ARHGAP11A: variants seen among roughly 807,000 people sequenced by gnomAD.
ARHGAP11A encodes rho GTPase-activating protein 11A.
In ARHGAP11A, 36 loss-of-function variants were observed where a neutral mutation model predicts 60.5. The ratio of observed to expected loss-of-function variants is 0.59; its 90% CI spans 0.46 to 0.79. The LOEUF (loss-of-function observed/expected upper bound fraction) is 0.79, where lower values mean the gene tolerates loss of function less well. Ranked by LOEUF, ARHGAP11A falls within the 30% of genes least tolerant of loss-of-function variation. The probability of loss-of-function intolerance (pLI) is 0.00; values close to 1 mark genes in which losing one functional copy is unlikely to be tolerated. For missense variants in ARHGAP11A, 1,071 were observed against 1,199.2 expected (o/e 0.89, Z 1.58); for synonymous variants, 362 against 415.5 (o/e 0.87, Z 1.57).
chr15:32,637,708 A>G lies in ARHGAP11A; in HGVS notation c.2935A>G (p.Met979Val), dbSNP rs530631878. 9.9e-6 allele frequency: 16 copies of G among 1,614,218 alleles called. No homozygotes were observed. The South Asian group carries it at 1.1e-4, about 11-fold the overall frequency. ...DIVKPVVNNN[M>V]GISSGINNRV... Reference sequence around the variant, plus strand: ...AGTAAAACCAGTTGTAAATAACAACATGGGCATTTCTTCTGGGATAAATAA... The same window carrying G: ...AGTAAAACCAGTTGTAAATAACAACGTGGGCATTTCTTCTGGGATAAATAA... The change falls in exon 12 of 12, where the codon ATG becomes GTG. Residue 979 changes from methionine (M) to valine (V), a missense_variant. Met to Val is a conservative substitution (Grantham distance 21). This residue lies in a region of ARHGAP11A where 776 missense variants were observed against 760.2 expected (regional missense o/e 1.02). Transcript: ENST00000361627.
At chr15:32,616,457 G>A (rs1236035978) in intron 1 of ARHGAP11A, 117 bp downstream of exon 1, 7 of 1,472,374 alleles carry the variant, frequency 4.8e-6, no homozygotes, top group Non-Finnish European at 4.5e-6. Context: ...GGTTAGGTGT[G>A]TAATTCAGTT....
rs750060983 is a variant in ARHGAP11A, at chr15:32,634,060, T to C, written c.1344+19T>C. 6.6e-7 allele frequency: 1 copy of C among 1,507,972 alleles called. No individual in the cohort carries two copies. The highest frequency in any genetic ancestry group is 1.2e-5 in the South Asian group (1 of 82,978). The allele number at this position is 1,507,972 out of a possible 1,614,324, so 93.4% of individuals were successfully genotyped here. A position where few individuals can be genotyped will look rare whatever the true frequency, so the allele number is the denominator to read the frequency against. The stretch of plus-strand genomic sequence containing the variant: ...AGAAGTAGTAAGTTTCTTACCATTT[T>C]ATTGATCTTTATATTAGCATAACGC... On this transcript the variant is annotated intron_variant, in intron 10 of 11. Transcript: ENST00000361627.
Position 32,636,335 on chromosome 15 carries a change from G to A in ARHGAP11A, c.1562G>A (p.Trp521Ter), listed in dbSNP as rs894259370. The A allele has an allele frequency of 6.2e-7, 1 of 1,613,984 alleles. No individual in the cohort carries two copies. Among genetic ancestry groups the A allele is most frequent in the Non-Finnish European group, 8.5e-7 (1 of 1,179,954 alleles). Residue 521 changes from tryptophan to a stop codon, truncating the protein, a stop_gained, in exon 12 of 12, where the codon TGG becomes TAG. Coordinates refer to ENST00000361627, the MANE Select transcript of ARHGAP11A (RefSeq NM_014783.6). LOFTEE classifies it low-confidence loss of function (END_TRUNC). The part of the protein sequence containing the change: ...RLVGTNYRMS[W>*]TGPNNSSFQE... ...GTTGGAACAAATTACCGGATGTCTT[G>A]GACAGGACCTAATAATTCAAGTTTT...
At chr15:32,615,233 T>A (rs2053100236), upstream of ARHGAP11A, 1 of 152,164 alleles carries the variant, frequency 6.6e-6, no homozygotes, top group South Asian at 2.1e-4. Context: ...CCTCAAATAC[T>A]GTGAATGGTC....
intron 1 of ARHGAP11A, among the ~76,000 whole-genome samples, chr15:32,616,837 C>A (rs143402948): frequency 2.0e-5 from 3 of 152,202 alleles, no homozygotes; most frequent in African/African-American, 7.2e-5. Flanking sequence ...GCATTTTCTA[C>A]ATGAATCTGT....
intron 10 of ARHGAP11A, 104 bp from the exon 11 acceptor site, chr15:32,635,673 T>G: frequency 1.3e-6 from 1 of 768,502 alleles, no homozygotes; most frequent in Non-Finnish European, 1.9e-6. Flanking sequence ...ATATCCCTTT[T>G]TAAATCAGCT....
chr15:32,621,787 A>G (rs896613621), intron 2 of ARHGAP11A, among the ~76,000 whole-genome samples: 1 of 151,532 alleles, frequency 6.6e-6, no homozygotes, highest in Non-Finnish European at 1.5e-5. Context: ...GTACCACTGC[A>G]CTCCAGCCTG....
intron 1 of ARHGAP11A, among the ~76,000 whole-genome samples, chr15:32,616,750 T>G (rs999541229): frequency 6.6e-6 from 1 of 152,188 alleles, no homozygotes; most frequent in African/African-American, 2.4e-5. Context: ...GAACAGGTAG[T>G]ACGTTGGGAG....
chr15:32,618,281 G>GAA (rs11408209), intron 1 of ARHGAP11A, among the ~76,000 whole-genome samples: 2 of 151,856 alleles, frequency 1.3e-5, no homozygotes, highest in African/African-American at 2.4e-5. Context: ...AAGACTTAAG[G>GAA]AAAAAAACAC....
intron 6 of ARHGAP11A, among the ~76,000 whole-genome samples, chr15:32,627,871 G>GCTA (rs2053503713): frequency 7.0e-6 from 1 of 142,432 alleles, no homozygotes; most frequent in African/African-American, 2.6e-5. Flanking sequence ...GTGCAGTGAT[G>GCTA]CTACCTTGGT....
chr15:32,632,540 T>C (rs1256280935), intron 8 of ARHGAP11A, among the ~76,000 whole-genome samples: 1 of 152,220 alleles, frequency 6.6e-6, no homozygotes, highest in African/African-American at 2.4e-5. Flanking sequence ...TACCATTAAT[T>C]GGTATTATGT....
chr15:32,616,441 A>G lies in ARHGAP11A; in HGVS notation c.129+101A>G, dbSNP rs975328829. On this transcript the variant is annotated intron_variant, in intron 1 of 11. Coordinates refer to ENST00000361627, the MANE Select transcript of ARHGAP11A (RefSeq NM_014783.6). ...TAAAATGTTCACTCTGTGTATCAAA[A>G]AGAATGGTTAGGTGTGTAATTCAGT... The G allele has an allele frequency of 9.7e-6, 15 of 1,552,862 alleles. No homozygotes were observed. The African/African-American group carries it at 2.0e-4, about 21-fold the overall frequency.
intron 2 of ARHGAP11A, among the ~76,000 whole-genome samples, chr15:32,621,884 T>G (rs1044332810): frequency 6.6e-6 from 1 of 152,290 alleles, no homozygotes; most frequent in Non-Finnish European, 1.5e-5. Flanking sequence ...GTGAAACTTA[T>G]CCTTAATTCA....
At position 32,616,150 on chromosome 15, in the gene ARHGAP11A, C is replaced by T. The variant is rs2053134382; in HGVS notation, c.-62C>T. 5.8e-6 allele frequency: 9 copies of T among 1,558,380 alleles called. No homozygotes were observed. The highest frequency in any genetic ancestry group is 4.3e-6 in the Non-Finnish European group (5 of 1,151,728). On this transcript the variant is annotated 5_prime_UTR_variant, in exon 1 of 12. Coordinates refer to ENST00000361627, the MANE Select transcript of ARHGAP11A (RefSeq NM_014783.6). ...TTGAGAGCGTTTGGAAATTGGAAGACTTGGTGGCGAACGAGGGTCAGGACC... is the reference window on the plus strand; with the variant it reads ...TTGAGAGCGTTTGGAAATTGGAAGATTTGGTGGCGAACGAGGGTCAGGACC...
In ARHGAP11A at chr15:32,629,558, G is replaced by A. The variant is rs1167376624; in HGVS notation, c.938-37G>A. The stretch of plus-strand genomic sequence containing the variant: ...GCTTTTATATGTTGTCAACTCTGCA[G>A]TAGAAACAAGTTGGTTTTGTTTTGA... On this transcript the variant is annotated intron_variant, in intron 7 of 11. Coordinates refer to ENST00000361627, the MANE Select transcript of ARHGAP11A (RefSeq NM_014783.6). 1.9e-6 allele frequency: 3 copies of A among 1,567,300 alleles called. No individual in the cohort carries two copies. In the East Asian group the frequency reaches 6.8e-5, roughly 35 times the overall value.
intron 2 of ARHGAP11A, among the ~76,000 whole-genome samples, chr15:32,621,990 C>T (rs1167654770): frequency 1.3e-5 from 2 of 152,308 alleles, no homozygotes; most frequent in Non-Finnish European, 2.9e-5. Context: ...TATCGAACAC[C>T]TGGTTGCCTT....
At chr15:32,615,236 G>A (rs1421940314), upstream of ARHGAP11A, 1 of 152,146 alleles carries the variant, frequency 6.6e-6, no homozygotes, top group Admixed American at 6.5e-5. Flanking sequence ...CAAATACTGT[G>A]AATGGTCTGA....
At chr15:32,630,759 T>C (rs2053566712) in intron 8 of ARHGAP11A, among the ~76,000 whole-genome samples, 1 of 152,226 alleles carries the variant, frequency 6.6e-6, no homozygotes, top group South Asian at 2.1e-4. Context: ...TCACAGGTTC[T>C]CTAGGGCTCA....
In ARHGAP11A at chr15:32,636,520, C is replaced by T; in HGVS notation, c.1747C>T (p.Pro583Ser). Residue 583 changes from proline to serine, a missense_variant, in exon 12 of 12, where the codon CCT becomes TCT. This residue lies in a region of ARHGAP11A where 776 missense variants were observed against 760.2 expected (regional missense o/e 1.02). Transcript: ENST00000361627. ...GCATAATAGCAACATAACAAGTAGC[C>T]CTCTTAGCGGGGATGAAAATAACAT... is the stretch of plus-strand genomic sequence containing the variant. ...NKHNSNITSS[P>S]LSGDENNMTK... The T allele has an allele frequency of 6.2e-7, 1 of 1,613,952 alleles. No homozygotes were observed.
Sources: gnomAD v4.1 joint callset for allele counts (sites outside exome capture counted in the v4.1 genomes callset) on GRCh38, gnomAD v4.1.1 for gene constraint, gnomAD v4.1.1 regional missense constraint, MANE v1.5 for transcripts, NCBI Gene and HGNC (gene_info 2026-07-23, HGNC 2026-07-21) for gene names.